Variants in PCDHA4 observed in about 807,000 individuals in gnomAD.
PCDHA4 encodes the protein protocadherin alpha 4.
Under a neutral mutation model 61.4 loss-of-function variants are expected in PCDHA4, and 49 were observed. The observed-to-expected ratio is 0.80, with a 90% confidence interval of 0.63 to 1.01. PCDHA4 has a LOEUF of 1.01. Ranked by LOEUF, PCDHA4 falls within the 50% of genes least tolerant of loss-of-function variation. The pLI is 0.00. For missense variants in PCDHA4, 1,254 were observed against 1,235.8 expected, an observed-to-expected ratio of 1.01 and a Z score of -0.22; for synonymous variants, 590 against 550.3, an observed-to-expected ratio of 1.07 and a Z score of -1.01.
intron 1 of PCDHA4, among the ~76,000 whole-genome samples, chr5:140,944,212 G>A (rs2093625655): frequency 6.6e-6 from 1 of 152,158 alleles, no homozygotes; most frequent in Non-Finnish European, 1.5e-5. Flanking sequence ...TTTTTAAAGA[G>A]GGTTTTACTC....
intron 1 of PCDHA4, chr5:140,927,567 C>A: frequency 6.2e-7 from 1 of 1,614,180 alleles, no homozygotes; most frequent in Non-Finnish European, 8.5e-7. Context: ...TTGTGGTGGA[C>A]ACAAATGACA....
intron 1 of PCDHA4, chr5:140,822,338 C>A: frequency 1.9e-6 from 3 of 1,614,052 alleles, no homozygotes; most frequent in South Asian, 1.1e-5. Flanking sequence ...GAAGAAGAAA[C>A]GAACTTTTTA....
chr5:140,887,247 C>T (rs1302931456), intron 1 of PCDHA4, among the ~76,000 whole-genome samples: 1 of 152,016 alleles, frequency 6.6e-6, no homozygotes, highest in Non-Finnish European at 1.5e-5. Context: ...CCGGCGCCCG[C>T]CACCACGCCC....
chr5:140,961,599 G>A (rs1012408317), intron 1 of PCDHA4, among the ~76,000 whole-genome samples: 3 of 152,062 alleles, frequency 2.0e-5, no homozygotes, highest in Non-Finnish European at 4.4e-5. Flanking sequence ...AATGATTCTA[G>A]TAAATGAAAC....
chr5:140,870,420 G>C lies in PCDHA4; in HGVS notation c.2385+60848G>C, dbSNP rs371557347. 1.3e-4 allele frequency: 208 copies of C among 1,614,234 alleles called. No homozygotes were observed. The highest frequency in any genetic ancestry group is 1.7e-4 in the Non-Finnish European group (202 of 1,180,052). Reference sequence around the variant, plus strand: ...CGCCTTCTCTGTGGGCCACGGCCAGGGTATCCGTGGAGGTGGCCGACGTGA... The same window carrying C: ...CGCCTTCTCTGTGGGCCACGGCCAGCGTATCCGTGGAGGTGGCCGACGTGA... On this transcript the variant is annotated intron_variant, in intron 1 of 3. Transcript: ENST00000530339.
At chr5:140,967,479 C>T (rs782390272) in intron 1 of PCDHA4, 7 of 1,613,262 alleles carry the variant, frequency 4.3e-6, no homozygotes, top group East Asian at 2.2e-5. Context: ...CCAGCCCGCT[C>T]GGGTACGGCA....
At chr5:140,864,310 A>G (rs2048415201) in intron 1 of PCDHA4, 1 of 152,166 alleles carries the variant, frequency 6.6e-6, no homozygotes, top group African/African-American at 2.4e-5. Flanking sequence ...TACCATGACA[A>G]TATTTAATAT....
intron 2 of PCDHA4, 35 bp from the exon 3 acceptor site, chr5:140,982,440 A>C: frequency 6.2e-6 from 10 of 1,613,042 alleles, no homozygotes; most frequent in Non-Finnish European, 8.5e-6. Context: ...AGAATTTATG[A>C]TCTAACCGTT....
At chr5:140,897,187 TA>T (rs1554187233) in intron 1 of PCDHA4, among the ~76,000 whole-genome samples, 7 of 152,166 alleles carry the variant, frequency 4.6e-5, no homozygotes, top group Non-Finnish European at 1.0e-4. Context: ...TCAAAAAATA[TA>T]TTTTTTTATT....
intron 1 of PCDHA4, chr5:140,834,405 G>A (rs2150216867): frequency 1.9e-6 from 3 of 1,607,688 alleles, no homozygotes; most frequent in Admixed American, 1.7e-5. Flanking sequence ...GAATGGATAC[G>A]ACCCAGGGGG....
At chr5:140,865,781 A>T (rs1213634186) in intron 1 of PCDHA4, 5 of 152,208 alleles carry the variant, frequency 3.3e-5, no homozygotes, top group Non-Finnish European at 5.9e-5. Flanking sequence ...TCAAATGTGT[A>T]TCTTTCAGGC....
intron 1 of PCDHA4, chr5:140,824,182 T>C: frequency 6.2e-7 from 1 of 1,608,398 alleles, no homozygotes; most frequent in Middle Eastern, 1.7e-4. Context: ...AAATATTAAA[T>C]GTCACATTCA....
chr5:140,849,774 G>T (rs2150449369), intron 1 of PCDHA4: 2 of 1,598,482 alleles, frequency 1.3e-6, no homozygotes, highest in East Asian at 4.5e-5. Context: ...GGTGGTTACC[G>T]CGCGGGACGG....
At chr5:140,960,064 T>G (rs1352718360) in intron 1 of PCDHA4, among the ~76,000 whole-genome samples, 1 of 152,208 alleles carries the variant, frequency 6.6e-6, no homozygotes, top group Admixed American at 6.5e-5. Flanking sequence ...TACAGAAGAT[T>G]CAATTGAAGT....
chr5:140,860,977 T>A (rs1314844613), intron 1 of PCDHA4: 1 of 152,212 alleles, frequency 6.6e-6, no homozygotes, highest in African/African-American at 2.4e-5. Flanking sequence ...GACCTCGTGA[T>A]CCACCGGCCT....
intron 1 of PCDHA4, among the ~76,000 whole-genome samples, chr5:140,911,977 T>G (rs1554195068): frequency 1.3e-5 from 2 of 152,180 alleles, no homozygotes; most frequent in African/African-American, 4.8e-5. Context: ...TTAACTCACA[T>G]GATCACAAGG....
In PCDHA4 at chr5:140,845,149, T is replaced by C. The variant is rs1779719048; in HGVS notation, c.2385+35577T>C. On this transcript the variant is annotated intron_variant, in intron 1 of 3. Coordinates refer to ENST00000530339, the MANE Select transcript of PCDHA4 (RefSeq NM_018907.4). ...TTTATTTGACTATTTGAACACATTGTGTAAAAGCGAATTGTTTTCATTTTA... is the reference window on the plus strand; with the variant it reads ...TTTATTTGACTATTTGAACACATTGCGTAAAAGCGAATTGTTTTCATTTTA... 1.3e-5 allele frequency among the ~76,000 whole-genome samples: 2 copies of C among 149,682 alleles called. 1 individual carries two copies. The highest frequency in any genetic ancestry group is 1.3e-4 in the Admixed American group (2 of 14,942).
intron 1 of PCDHA4, chr5:140,860,854 C>A (rs1554153872): frequency 1.3e-5 from 2 of 152,236 alleles, no homozygotes; most frequent in African/African-American, 4.8e-5. Flanking sequence ...TCTCCTGCCT[C>A]AGCCTCCGGA....
intron 1 of PCDHA4, chr5:140,851,454 T>C: frequency 1.1e-6 from 1 of 899,244 alleles, no homozygotes; most frequent in Non-Finnish European, 1.4e-6. Flanking sequence ...ACTTTAGGAA[T>C]CAAATTATGT....
Sources: gnomAD v4.1 joint callset for allele counts (sites outside exome capture counted in the v4.1 genomes callset) on GRCh38, gnomAD v4.1.1 for gene constraint, MANE v1.5 for transcripts, NCBI Gene and HGNC (gene_info 2026-07-23, HGNC 2026-07-21) for gene names.